MACROD2: variants seen among roughly 807,000 people sequenced by gnomAD.
MACROD2 encodes mono-ADP ribosylhydrolase 2, also known as ADP-ribose glycohydrolase MACROD2.
MACROD2 carries 36 observed loss-of-function variants against 70.4 expected under a neutral mutation model. The observed-to-expected ratio is 0.51, with a 90% CI of 0.39 to 0.68. MACROD2 has a LOEUF of 0.68. Ranked by LOEUF, MACROD2 falls within the 30% of genes least tolerant of loss-of-function variation. The probability of loss-of-function intolerance (pLI) is 0.00; values close to 1 mark genes in which losing one functional copy is unlikely to be tolerated. For missense variants in MACROD2, 496 were observed against 538.4 expected, an observed-to-expected ratio of 0.92 and a Z score of 0.78; for synonymous variants, 172 against 178.8, an observed-to-expected ratio of 0.96 and a Z score of 0.30.
chr20:15,325,457 GC>G (rs2077918766), intron 6 of MACROD2, among the ~76,000 whole-genome samples: 1 of 152,092 alleles, frequency 6.6e-6, no homozygotes, highest in Non-Finnish European at 1.5e-5. Flanking sequence ...CTTCTCATAT[GC>G]CATTGTTCTC....
Position 15,876,091 on chromosome 20 carries a change from T to TTTTATATATATATATATATATATATATA in MACROD2, c.728-9672_728-9671insTTATATATATATATATATATATATATAT, listed in dbSNP as rs1555789633. Among the ~76,000 whole-genome samples, 3 of 33,104 alleles carry TTTTATATATATATATATATATATATATA rather than the reference T, an allele frequency of 9.1e-5. No individual in the cohort carries two copies. The South Asian group carries it at 8.4e-3, about 93-fold the overall frequency. The allele number at this position is 33,104 out of a possible 152,430, so 21.7% of individuals were successfully genotyped here. A position where few individuals can be genotyped will look rare whatever the true frequency, so the allele number is the denominator to read the frequency against. ...ACTTTTATTGTCAGCTACATGTCTT[T>TTTTATATATATATATATATATATATATA]TATATATATATATATATATATGTGT... On this transcript the variant is annotated intron_variant, in intron 9 of 17. Transcript: ENST00000684519.
intron 17 of MACROD2, among the ~76,000 whole-genome samples, chr20:16,048,347 T>G (rs1227789554): frequency 6.6e-6 from 1 of 151,656 alleles, no homozygotes; most frequent in East Asian, 1.9e-4. Flanking sequence ...AAAGCAGACC[T>G]AAAACAATAA....
intron 5 of MACROD2, among the ~76,000 whole-genome samples, chr20:14,911,593 G>T (rs918336459): frequency 6.6e-6 from 1 of 151,940 alleles, no homozygotes; most frequent in African/African-American, 2.4e-5. Flanking sequence ...TGCCCAGGCT[G>T]GTCTCTTGGC....
chr20:15,838,066 G>A (rs578155912), intron 8 of MACROD2, among the ~76,000 whole-genome samples: 18 of 149,184 alleles, frequency 1.2e-4, no homozygotes, highest in African/African-American at 4.2e-4. Context: ...CTCATATACC[G>A]TATTATATTC....
intron 8 of MACROD2, among the ~76,000 whole-genome samples, chr20:15,703,982 C>A (rs1197481092): frequency 6.6e-6 from 1 of 152,096 alleles, no homozygotes; most frequent in Non-Finnish European, 1.5e-5. Flanking sequence ...ATATTTTTGA[C>A]ACAGATCAGT....
chr20:15,732,316 T>C (rs532603040), intron 8 of MACROD2, among the ~76,000 whole-genome samples: 1 of 152,274 alleles, frequency 6.6e-6, no homozygotes, highest in Non-Finnish European at 1.5e-5. Context: ...AAACATTTCC[T>C]GGCATCTTCC....
intron 8 of MACROD2, among the ~76,000 whole-genome samples, chr20:15,633,760 G>A (rs1329994280): frequency 6.6e-6 from 1 of 152,146 alleles, no homozygotes; most frequent in Non-Finnish European, 1.5e-5. Flanking sequence ...TATTTTAAAT[G>A]AATGTTTATT....
intron 9 of MACROD2, among the ~76,000 whole-genome samples, chr20:15,867,268 G>A (rs1006477866): frequency 2.0e-5 from 3 of 152,148 alleles, no homozygotes; most frequent in Non-Finnish European, 4.4e-5. Flanking sequence ...ATGAGGGTTA[G>A]GCCTTCAACA....
At chr20:15,648,510 C>G (rs1883764862) in intron 8 of MACROD2, among the ~76,000 whole-genome samples, 1 of 152,206 alleles carries the variant, frequency 6.6e-6, no homozygotes, top group Admixed American at 6.5e-5. Context: ...CTCAATACTT[C>G]CTATCAACCT....
At chr20:14,609,194 A>AG (rs1983003609) in intron 4 of MACROD2, among the ~76,000 whole-genome samples, 1 of 152,032 alleles carries the variant, frequency 6.6e-6, no homozygotes, top group African/African-American at 2.4e-5. Context: ...AAGAAGTGAG[A>AG]GACATTGGTG....
chr20:14,561,080 C>T (rs1050731045), intron 4 of MACROD2, among the ~76,000 whole-genome samples: 1 of 151,738 alleles, frequency 6.6e-6, no homozygotes. Context: ...GATAGATTGA[C>T]ACCTAGACTC....
At chr20:15,096,472 G>A (rs921077132) in intron 5 of MACROD2, among the ~76,000 whole-genome samples, 14 of 147,250 alleles carry the variant, frequency 9.5e-5, no homozygotes, top group Non-Finnish European at 1.8e-4. Flanking sequence ...ATATAAATAC[G>A]TATTTATATA....
chr20:14,341,912 A>G (rs1168502455), intron 3 of MACROD2, among the ~76,000 whole-genome samples: 2 of 152,128 alleles, frequency 1.3e-5, no homozygotes, highest in African/African-American at 4.8e-5. Flanking sequence ...CAGCCTCCTC[A>G]GGCTATATAC....
chr20:14,652,135 C>T (rs1226612693), intron 4 of MACROD2, among the ~76,000 whole-genome samples: 1 of 152,058 alleles, frequency 6.6e-6, no homozygotes, highest in Non-Finnish European at 1.5e-5. Context: ...CATTGTATAT[C>T]CTTATCATTG....
In MACROD2 at chr20:15,409,669, C is replaced by T. The variant is rs147783162; in HGVS notation, c.541-21736C>T. 2.9e-3 allele frequency among the ~76,000 whole-genome samples: 447 copies of T among 152,234 alleles called. 2 individuals are homozygous for T. The highest frequency in any genetic ancestry group is 9.9e-3 in the African/African-American group (412 of 41,534). On this transcript the variant is annotated intron_variant, in intron 6 of 17. Coordinates refer to ENST00000684519, the MANE Select transcript of MACROD2 (RefSeq NM_001351661.2). ...AAGTGATCATGAGAATGGCAGGATC[C>T]GATACAGTTGCATTATTAAACAAGT...
At chr20:14,879,659 GTTC>G (rs1335431046) in intron 5 of MACROD2, among the ~76,000 whole-genome samples, 1 of 152,160 alleles carries the variant, frequency 6.6e-6, no homozygotes, top group Non-Finnish European at 1.5e-5. Context: ...AGGTTACATT[GTTC>G]TTTCATCACA....
At chr20:16,023,733 A>G (rs1376000802) in intron 15 of MACROD2, among the ~76,000 whole-genome samples, 2 of 152,162 alleles carry the variant, frequency 1.3e-5, no homozygotes, top group Non-Finnish European at 2.9e-5. Flanking sequence ...TCAGAATTGT[A>G]CAGTCATGGG....
chr20:14,598,201 T>G (rs573900531), intron 4 of MACROD2, among the ~76,000 whole-genome samples: 3 of 152,320 alleles, frequency 2.0e-5, no homozygotes, highest in South Asian at 2.1e-4. Flanking sequence ...AAATTCTTCC[T>G]GCTTAAGACC....
intron 5 of MACROD2, among the ~76,000 whole-genome samples, chr20:14,860,246 A>T (rs973365284): frequency 1.2e-4 from 18 of 152,120 alleles, no homozygotes; most frequent in African/African-American, 3.6e-4. Flanking sequence ...CATCCCTTAA[A>T]TCCTTGTCAA....
Sources: allele counts gnomAD v4.1 joint callset (sites outside exome capture counted in the v4.1 genomes callset), GRCh38; gene constraint gnomAD v4.1.1; transcripts MANE v1.5; gene names NCBI Gene and HGNC (gene_info 2026-07-23, HGNC 2026-07-21).